The following CPQ variants were observed in gnomAD, a reference collection of about 807,000 sequenced individuals.
The protein encoded by CPQ is Ser-Met dipeptidase.
CPQ carries 37 observed loss-of-function variants against 45.7 expected under a neutral mutation model. The observed-to-expected ratio is 0.81, with a 90% CI of 0.62 to 1.07. The LOEUF is 1.07. Ranked by LOEUF, CPQ falls within the 50% of genes least tolerant of loss-of-function variation. The probability of loss-of-function intolerance (pLI) is 0.00; values close to 1 mark genes in which losing one functional copy is unlikely to be tolerated. For missense variants in CPQ, 537 were observed against 572.9 expected (o/e 0.94, Z 0.64); for synonymous variants, 186 against 205.8 (o/e 0.90, Z 0.82).
intron 5 of CPQ, among the ~76,000 whole-genome samples, chr8:97,009,733 A>T (rs191292306): frequency 7.2e-5 from 11 of 152,314 alleles, no homozygotes; most frequent in Non-Finnish European, 1.6e-4. Context: ...ATTCTGTCAG[A>T]CAGTCTAGTG....
chr8:97,045,292 A>C (rs557904983), intron 6 of CPQ, among the ~76,000 whole-genome samples: 68 of 152,272 alleles, frequency 4.5e-4, no homozygotes, highest in African/African-American at 1.5e-3. Flanking sequence ...CTTCCAAGCC[A>C]TGTGCGGGAT....
intron 4 of CPQ, among the ~76,000 whole-genome samples, chr8:96,909,404 C>T (rs186316798): frequency 3.3e-4 from 50 of 152,220 alleles, no homozygotes; most frequent in African/African-American, 1.1e-3. Flanking sequence ...CACAAGGCAG[C>T]CTTCCTCTAA....
intron 1 of CPQ, among the ~76,000 whole-genome samples, chr8:96,772,025 T>A (rs533211504): frequency 6.6e-6 from 1 of 152,016 alleles, no homozygotes; most frequent in African/African-American, 2.4e-5. Context: ...TTATCAGAGG[T>A]ATAAGTAGAG....
At chr8:96,993,923 C>T (rs1174791975) in intron 5 of CPQ, among the ~76,000 whole-genome samples, 1 of 152,110 alleles carries the variant, frequency 6.6e-6, no homozygotes, top group East Asian at 1.9e-4. Context: ...TTCTCCCGTT[C>T]TCTCTTGCTG....
chr8:97,020,261 C>T (rs1165698879), intron 5 of CPQ, among the ~76,000 whole-genome samples: 1 of 152,012 alleles, frequency 6.6e-6, no homozygotes, highest in Non-Finnish European at 1.5e-5. Flanking sequence ...CATTAAATGC[C>T]TACATCAAAA....
At chr8:96,859,037 TA>T (rs1210138988) in intron 3 of CPQ, among the ~76,000 whole-genome samples, 1 of 152,204 alleles carries the variant, frequency 6.6e-6, no homozygotes, top group Non-Finnish European at 1.5e-5. Context: ...GTATGCCTAA[TA>T]TTTTTTTGTT....
chr8:96,891,816 A>G (rs1209725984), intron 4 of CPQ, among the ~76,000 whole-genome samples: 1 of 152,204 alleles, frequency 6.6e-6, no homozygotes, highest in Non-Finnish European at 1.5e-5. Flanking sequence ...GGTAAGTGCC[A>G]CAGTATGGCA....
chr8:96,965,929 T>G lies in CPQ; in HGVS notation c.850-6T>G. ...TTATTTTTTAACTTTTTATTATTTG[T>G]TCTAGGTTGTACTGGTCAGTGGACA... On this transcript the variant is annotated splice_region_variant and splice_polypyrimidine_tract_variant and intron_variant, in intron 4 of 7. Coordinates refer to ENST00000220763, the MANE Select transcript of CPQ (RefSeq NM_016134.4). The G allele has an allele frequency of 1.3e-6, 2 of 1,572,090 alleles. No individual in the cohort carries two copies. Among genetic ancestry groups the G allele is most frequent in the Non-Finnish European group, 1.7e-6 (2 of 1,161,800 alleles).
rs1815506175 is a variant in CPQ at position 96,645,413 on chromosome 8, A to C, written c.-35+11A>C. On this transcript the variant is annotated intron_variant, in intron 1 of 7. Coordinates refer to ENST00000220763, the MANE Select transcript of CPQ (RefSeq NM_016134.4). The stretch of plus-strand genomic sequence containing the variant: ...GAGCCGCCCTATCAGGTGTGTTTGC[A>C]GCCGAACTGGCAGTGCCCGCGGGCG... 6.5e-6 allele frequency: 1 copy of C among 152,728 alleles called. No homozygotes were observed. The highest frequency in any genetic ancestry group is 2.4e-5 in the African/African-American group (1 of 41,468). The allele number at this position is 152,728 out of a possible 1,614,324, so 9.5% of individuals were successfully genotyped here. A position where few individuals can be genotyped will look rare whatever the true frequency, so the allele number is the denominator to read the frequency against.
intron 2 of CPQ, among the ~76,000 whole-genome samples, chr8:96,796,737 T>A (rs184570950): frequency 6.4e-4 from 97 of 152,298 alleles, no homozygotes; most frequent in South Asian, 1.0e-3. Flanking sequence ...AGACTTGGAT[T>A]TTTGAGCTGT....
rs78634539 is a variant in CPQ, at chr8:96,872,325, G to A, written c.642-7473G>A. ...TGCCACTGGCCACAGAAGTCATGTG[G>A]AATTTTCCATTTGTGGCATCGTGTT... is the stretch of plus-strand genomic sequence containing the variant. On this transcript the variant is annotated intron_variant, in intron 3 of 7. Transcript: ENST00000220763. Among the ~76,000 whole-genome samples, 43 of 152,024 alleles carry A rather than the reference G, an allele frequency of 2.8e-4. No homozygotes were observed. The East Asian group carries it at 7.2e-3, about 25-fold the overall frequency.
At chr8:96,857,840 T>C (rs891918400) in intron 3 of CPQ, among the ~76,000 whole-genome samples, 7 of 151,906 alleles carry the variant, frequency 4.6e-5, no homozygotes, top group Admixed American at 3.3e-4. Context: ...ATGATAATTC[T>C]TATGCTGTCA....
chr8:96,928,123 G>T (rs1187181447), intron 4 of CPQ, among the ~76,000 whole-genome samples: 1 of 152,092 alleles, frequency 6.6e-6, no homozygotes, highest in African/African-American at 2.4e-5. Flanking sequence ...CATTTTATGG[G>T]TTGACTGTGC....
At chr8:97,029,342 A>T in intron 5 of CPQ, 61 bp from the exon 6 acceptor site, 2 of 1,507,094 alleles carry the variant, frequency 1.3e-6, no homozygotes, top group Non-Finnish European at 1.8e-6. Context: ...GGACCCTGCC[A>T]TTTTTTTATA....
At chr8:96,880,517 T>C (rs1457193110) in intron 4 of CPQ, among the ~76,000 whole-genome samples, 5 of 76,550 alleles carry the variant, frequency 6.5e-5, no homozygotes, top group East Asian at 6.4e-4. Flanking sequence ...AAATATATGG[T>C]CATATATATA....
chr8:96,879,947 C>T lies in CPQ; in HGVS notation c.791C>T (p.Pro264Leu). 6.2e-7 allele frequency: 1 copy of T among 1,614,026 alleles called. No homozygotes were observed. The highest frequency in any genetic ancestry group is 1.7e-4 in the Middle Eastern group (1 of 6,060). ...IQLKMGAKTY[P>L]DTDSFNTVAE... The stretch of plus-strand genomic sequence containing the variant: ...CTAAAGATGGGGGCAAAGACCTACC[C>T]AGATACTGATTCCTTCAACACTGTA... The change falls in exon 4 of 8, where the codon CCA becomes CTA. Residue 264 changes from proline (P) to leucine (L), a missense_variant. Pro to Leu is a moderately conservative substitution (Grantham distance 98, BLOSUM62 -3). Transcript: ENST00000220763.
chr8:97,078,804 T>TCTCC (rs1239355859), intron 7 of CPQ, among the ~76,000 whole-genome samples: 1 of 145,882 alleles, frequency 6.9e-6, no homozygotes, highest in Non-Finnish European at 1.5e-5. Flanking sequence ...TCTCTCTCTC[T>TCTCC]CTCCCTCTCT....
At chr8:96,646,708 AT>A (rs1219514961) in intron 1 of CPQ, among the ~76,000 whole-genome samples, 1 of 152,176 alleles carries the variant, frequency 6.6e-6, no homozygotes, top group Non-Finnish European at 1.5e-5. Context: ...CAAAATGAAG[AT>A]GTTTAGCTAG....
At chr8:96,842,202 G>A (rs1222305114) in intron 3 of CPQ, among the ~76,000 whole-genome samples, 1 of 151,908 alleles carries the variant, frequency 6.6e-6, no homozygotes, top group Non-Finnish European at 1.5e-5. Context: ...TTTTTTAATG[G>A]GAAAAAAATT....
Sources: allele counts gnomAD v4.1 joint callset (sites outside exome capture counted in the v4.1 genomes callset), GRCh38; gene constraint gnomAD v4.1.1; transcripts MANE v1.5; gene names NCBI Gene and HGNC (gene_info 2026-07-23, HGNC 2026-07-21).